THSD7B: variants seen among roughly 807,000 people sequenced by gnomAD.
The protein encoded by THSD7B is thrombospondin type 1 domain containing 7B.
In THSD7B, 138 loss-of-function variants were observed where a neutral mutation model predicts 213.6. The observed-to-expected ratio is 0.65, with a 90% confidence interval of 0.56 to 0.74. The LOEUF (loss-of-function observed/expected upper bound fraction) is 0.74, where lower values mean the gene tolerates loss of function less well. Among genes scored for constraint, THSD7B ranks in the 30% least tolerant of loss-of-function variants. The pLI, the probability that THSD7B is intolerant of heterozygous loss-of-function variation, is 0.00. For synonymous variants in THSD7B, 742 were observed against 687.0 expected, an observed-to-expected ratio of 1.08 and a Z score of -1.25; for missense variants, 1,931 against 1,991.5, an observed-to-expected ratio of 0.97 and a Z score of 0.58.
intron 15 of THSD7B, among the ~76,000 whole-genome samples, chr2:137,553,871 G>A (rs1680898326): frequency 6.6e-6 from 1 of 152,186 alleles, no homozygotes; most frequent in Non-Finnish European, 1.5e-5. Flanking sequence ...ACTGACATGA[G>A]AAGGAATTGG....
chr2:137,544,679 T>C (rs1488604340), intron 15 of THSD7B, among the ~76,000 whole-genome samples: 3 of 151,840 alleles, frequency 2.0e-5, no homozygotes, highest in African/African-American at 4.8e-5. Flanking sequence ...ATATTCATAC[T>C]CTCTTTTATT....
At chr2:136,939,121 C>T (rs1019963295) in intron 2 of THSD7B, among the ~76,000 whole-genome samples, 1 of 151,830 alleles carries the variant, frequency 6.6e-6, no homozygotes, top group Non-Finnish European at 1.5e-5. Context: ...TTAATAAGAA[C>T]GACTTTTCCA....
intron 12 of THSD7B, among the ~76,000 whole-genome samples, chr2:137,316,415 C>G (rs1684100307): frequency 1.3e-5 from 2 of 152,160 alleles, no homozygotes; most frequent in African/African-American, 4.8e-5. Flanking sequence ...ACATATTTCC[C>G]AAAGATTTTG....
intron 1 of THSD7B, among the ~76,000 whole-genome samples, chr2:136,852,679 A>G (rs575665148): frequency 1.3e-5 from 2 of 152,286 alleles, no homozygotes; most frequent in East Asian, 3.9e-4. Context: ...TTTTAATATA[A>G]CTTATGCCTG....
In THSD7B at chr2:137,414,695, G is replaced by A. The variant is rs537562838; in HGVS notation, c.2959+2823G>A. Among the ~76,000 whole-genome samples, 5 of 152,194 alleles carry A rather than the reference G, an allele frequency of 3.3e-5. No homozygotes were observed. The East Asian group carries it at 9.7e-4, about 29-fold the overall frequency. ...TGATTGTGTCACTGCACTCCAGCCT[G>A]TGTGAAAGAATGAGACCCTGCCTCT... is the stretch of plus-strand genomic sequence containing the variant. On this transcript the variant is annotated intron_variant, in intron 14 of 27. Transcript: ENST00000409968.
At chr2:137,567,302 G>C (rs569920190) in intron 16 of THSD7B, among the ~76,000 whole-genome samples, 4 of 152,034 alleles carry the variant, frequency 2.6e-5, no homozygotes, top group East Asian at 3.9e-4. Flanking sequence ...CCAAATAGCT[G>C]AGATTACAGG....
chr2:137,518,356 G>C (rs1680113973), intron 15 of THSD7B, among the ~76,000 whole-genome samples: 1 of 152,268 alleles, frequency 6.6e-6, no homozygotes, highest in South Asian at 2.1e-4. Flanking sequence ...CTTCCCAGTG[G>C]GCAGAATTTC....
chr2:137,360,125 C>G (rs1018079598), intron 12 of THSD7B, among the ~76,000 whole-genome samples: 1 of 152,082 alleles, frequency 6.6e-6, no homozygotes, highest in Non-Finnish European at 1.5e-5. Context: ...ATGAATGTAA[C>G]AGGGTCCTCG....
intron 1 of THSD7B, among the ~76,000 whole-genome samples, chr2:136,780,452 A>G (rs61241670): frequency 0.022 from 3,279 of 152,318 alleles, 110 homozygotes; most frequent in African/African-American, 0.075. Context: ...ACATTCAGAT[A>G]ATAGCTCTGT....
intron 12 of THSD7B, among the ~76,000 whole-genome samples, chr2:137,302,504 A>T (rs2104847900): frequency 6.6e-6 from 1 of 152,254 alleles, no homozygotes; most frequent in South Asian, 2.1e-4. Context: ...GTGGGGAAGG[A>T]TTACAAGAGC....
At chr2:137,296,885 G>T (rs1683477649) in intron 12 of THSD7B, among the ~76,000 whole-genome samples, 1 of 151,750 alleles carries the variant, frequency 6.6e-6, no homozygotes, top group African/African-American at 2.4e-5. Flanking sequence ...TTAGTCCATT[G>T]TGATACACTC....
intron 2 of THSD7B, chr2:136,906,532 TAA>T (rs1684164610): frequency 6.6e-6 from 1 of 152,190 alleles, no homozygotes; most frequent in Non-Finnish European, 1.5e-5. Context: ...ATCATTTTTA[TAA>T]GTCTTGAATT....
At chr2:137,559,151 A>G (rs1375074321) in intron 15 of THSD7B, among the ~76,000 whole-genome samples, 2 of 152,176 alleles carry the variant, frequency 1.3e-5, no homozygotes, top group South Asian at 2.1e-4. Flanking sequence ...AAGGTAATTT[A>G]TAGATTCAAT....
At chr2:136,801,652 G>A (rs905792912) in intron 1 of THSD7B, among the ~76,000 whole-genome samples, 1 of 151,972 alleles carries the variant, frequency 6.6e-6, no homozygotes, top group African/African-American at 2.4e-5. Flanking sequence ...GCAAAGGAAG[G>A]GCCCATTAAA....
chr2:137,244,036 A>C (rs930440675), intron 10 of THSD7B, among the ~76,000 whole-genome samples: 1 of 152,232 alleles, frequency 6.6e-6, no homozygotes, highest in African/African-American at 2.4e-5. Flanking sequence ...AATGAACTGG[A>C]TGAACAGGGT....
intron 12 of THSD7B, among the ~76,000 whole-genome samples, chr2:137,282,709 A>C (rs1486402969): frequency 6.6e-6 from 1 of 152,080 alleles, no homozygotes; most frequent in Non-Finnish European, 1.5e-5. Context: ...AAGATCAGAT[A>C]GTTGTAGATG....
chr2:136,929,158 A>G (rs1684589875), intron 2 of THSD7B, among the ~76,000 whole-genome samples: 1 of 152,194 alleles, frequency 6.6e-6, no homozygotes, highest in Non-Finnish European at 1.5e-5. Flanking sequence ...GTTATCCTTT[A>G]TGAAATGTGT....
chr2:136,839,127 C>T (rs1039357243), intron 1 of THSD7B, among the ~76,000 whole-genome samples: 1 of 152,194 alleles, frequency 6.6e-6, no homozygotes, highest in African/African-American at 2.4e-5. Context: ...AAGGAATTGA[C>T]AAGGGAGCTT....
At position 136,857,813 on chromosome 2, in the gene THSD7B, A is replaced by G. The variant is rs16837134; in HGVS notation, c.-35-24331A>G. Among the ~76,000 whole-genome samples the G allele has an allele frequency of 4.9e-3, 745 of 152,328 alleles. 14 individuals are homozygous for G. The South Asian group carries it at 0.07, about 14-fold the overall frequency. The stretch of plus-strand genomic sequence containing the variant: ...ATAATTTGAGGAACAAAGAGTGTTC[A>G]TGTCACTATTGAACATCGATTTATC... On this transcript the variant is annotated intron_variant, in intron 1 of 27. Transcript: ENST00000409968.
Sources: allele counts gnomAD v4.1 joint callset (sites outside exome capture counted in the v4.1 genomes callset), GRCh38; gene constraint gnomAD v4.1.1; transcripts MANE v1.5; gene names NCBI Gene and HGNC (gene_info 2026-07-23, HGNC 2026-07-21).